Variants in GUCY1A2 observed in about 807,000 individuals in gnomAD.
GUCY1A2 encodes guanylate cyclase soluble subunit alpha-2.
A neutral mutation model predicts 63.5 loss-of-function variants in GUCY1A2; 27 were observed. That is an observed-to-expected ratio of 0.43 (90% CI 0.31 to 0.59). The LOEUF is 0.59. Among genes scored for constraint, GUCY1A2 ranks in the 20% least tolerant of loss-of-function variants. GUCY1A2 has a pLI of 0.11. For missense variants in GUCY1A2, 768 were observed against 913.3 expected, an observed-to-expected ratio of 0.84 and a Z score of 2.05; for synonymous variants, 364 against 343.5, an observed-to-expected ratio of 1.06 and a Z score of -0.66.
chr11:106,817,520 A>C (rs1166345241), intron 4 of GUCY1A2, among the ~76,000 whole-genome samples: 1 of 152,134 alleles, frequency 6.6e-6, no homozygotes, highest in Non-Finnish European at 1.5e-5. Context: ...TATCAAATTA[A>C]AAAGCTTCAG....
At chr11:106,796,509 G>A (rs1864763610) in intron 5 of GUCY1A2, among the ~76,000 whole-genome samples, 1 of 152,004 alleles carries the variant, frequency 6.6e-6, no homozygotes, top group South Asian at 2.1e-4. Context: ...GTCTGTAAAG[G>A]ATTTTATTTC....
intron 4 of GUCY1A2, among the ~76,000 whole-genome samples, chr11:106,851,086 T>C (rs532270454): frequency 3.9e-4 from 59 of 152,078 alleles, no homozygotes; most frequent in Non-Finnish European, 6.9e-4. Context: ...TCCCTAACAA[T>C]TAGTGATGTT....
At chr11:106,947,679 A>G (rs1371785308) in intron 3 of GUCY1A2, among the ~76,000 whole-genome samples, 1 of 152,026 alleles carries the variant, frequency 6.6e-6, no homozygotes, top group Non-Finnish European at 1.5e-5. Flanking sequence ...AAATAACCAA[A>G]AGGTGGCATA....
intron 4 of GUCY1A2, among the ~76,000 whole-genome samples, chr11:106,812,368 C>A (rs1858773239): frequency 6.6e-6 from 1 of 151,434 alleles, no homozygotes. Flanking sequence ...TTTCTTCTCC[C>A]TTGCTTCGTG....
intron 5 of GUCY1A2, among the ~76,000 whole-genome samples, chr11:106,777,100 C>T (rs565786227): frequency 2.0e-5 from 3 of 152,240 alleles, no homozygotes; most frequent in South Asian, 2.1e-4. Context: ...CATACCATTG[C>T]GTCAACCACT....
In GUCY1A2 at chr11:106,687,697, T is replaced by C. The variant is rs778372562; in HGVS notation, c.2051A>G (p.Asp684Gly). 6 of 1,613,548 alleles carry C rather than the reference T, an allele frequency of 3.7e-6. No individual in the cohort carries two copies. Reference protein sequence around the residue: ...FIPRSREELPDNFPKEIPGIC... With the variant: ...FIPRSREELPGNFPKEIPGIC... ...CCCAGGAATTTCCTTTGGAAAGTTG[T>C]CTGGAAGCTCTTCACGAGACCGCGG... Residue 684 changes from aspartate (D) to glycine (G), a missense_variant, in exon 8 of 8, where the codon GAC becomes GGC. Transcript: ENST00000526355.
chr11:106,689,801 G>A (rs1370446339), intron 7 of GUCY1A2, among the ~76,000 whole-genome samples: 1 of 152,016 alleles, frequency 6.6e-6, no homozygotes, highest in Non-Finnish European at 1.5e-5. Flanking sequence ...ATACCAGCCT[G>A]GCCAACATGG....
At position 107,018,015 on chromosome 11, in the gene GUCY1A2, AG is replaced by A; in HGVS notation, c.40del (p.Leu14TrpfsTer84). 1.4e-6 allele frequency: 2 copies of A among 1,475,462 alleles called. No homozygotes were observed. The highest frequency in any genetic ancestry group is 1.3e-5 in the South Asian group (1 of 78,078). The allele number at this position is 1,475,462 out of a possible 1,614,324, so 91.4% of individuals were successfully genotyped here. A position where few individuals can be genotyped will look rare whatever the true frequency, so the allele number is the denominator to read the frequency against. ...GCTGGTCTCCAGGTAGTCGGAGCCCAGGGAGCTGAAGGACTCGGACGAAATC... is the reference window on the plus strand; with the variant it reads ...GCTGGTCTCCAGGTAGTCGGAGCCCAGGAGCTGAAGGACTCGGACGAAATC... Reference protein sequence around the residue: ...RKISSESFSSLGSDYLETSPE... With the variant: ...RKISSESFSSXGSDYLETSPE... On this transcript the variant is annotated frameshift_variant, in exon 1 of 8. Coordinates refer to ENST00000526355, the MANE Select transcript of GUCY1A2 (RefSeq NM_000855.3). LOFTEE classifies it high-confidence loss of function.
At chr11:106,803,749 C>A (rs774117698) in intron 5 of GUCY1A2, among the ~76,000 whole-genome samples, 1 of 152,076 alleles carries the variant, frequency 6.6e-6, no homozygotes, top group Non-Finnish European at 1.5e-5. Flanking sequence ...GATTAAATAA[C>A]CCATGAAAGG....
chr11:106,795,096 A>G (rs1864730650), intron 5 of GUCY1A2, among the ~76,000 whole-genome samples: 1 of 152,220 alleles, frequency 6.6e-6, no homozygotes, highest in Non-Finnish European at 1.5e-5. Flanking sequence ...TGTGAGACCT[A>G]TAATACTGCT....
At chr11:107,000,201 C>T (rs1291676038) in intron 1 of GUCY1A2, among the ~76,000 whole-genome samples, 3 of 152,138 alleles carry the variant, frequency 2.0e-5, no homozygotes, top group Non-Finnish European at 4.4e-5. Context: ...TTTACAATGG[C>T]AATAAGTTAA....
At chr11:106,761,021 A>G (rs1360698145) in intron 6 of GUCY1A2, among the ~76,000 whole-genome samples, 1 of 152,164 alleles carries the variant, frequency 6.6e-6, no homozygotes, top group Non-Finnish European at 1.5e-5. Context: ...CACCTCTTTC[A>G]TATAATAACC....
Position 106,909,693 on chromosome 11 carries a change from C to A in GUCY1A2, c.1206+29767G>T, listed in dbSNP as rs75359515. On this transcript the variant is annotated intron_variant, in intron 4 of 7. Coordinates refer to ENST00000526355, the MANE Select transcript of GUCY1A2 (RefSeq NM_000855.3). Reference sequence around the variant, plus strand: ...GTTTTGCATGCATCAATAGCTCCATCCTCTTTATGGCTGAGTAGTATTCCA... The same window carrying A: ...GTTTTGCATGCATCAATAGCTCCATACTCTTTATGGCTGAGTAGTATTCCA... Among the ~76,000 whole-genome samples the A allele has an allele frequency of 8.9e-3, 1,355 of 152,066 alleles. 10 individuals carry two copies. Among genetic ancestry groups the A allele is most frequent in the South Asian group, 0.034 (166 of 4,828 alleles).
At chr11:106,887,383 T>A (rs1164169383) in intron 4 of GUCY1A2, among the ~76,000 whole-genome samples, 1 of 152,116 alleles carries the variant, frequency 6.6e-6, no homozygotes, top group African/African-American at 2.4e-5. Context: ...GTTGTCAGAG[T>A]TTCTTGACTT....
chr11:106,920,334 G>A (rs890937789), intron 4 of GUCY1A2, among the ~76,000 whole-genome samples: 5 of 151,926 alleles, frequency 3.3e-5, no homozygotes, highest in East Asian at 1.9e-4. Context: ...AGGTTATTAC[G>A]TTATTTATGC....
At chr11:106,964,131 G>A (rs996890248) in intron 3 of GUCY1A2, among the ~76,000 whole-genome samples, 2 of 151,826 alleles carry the variant, frequency 1.3e-5, no homozygotes, top group African/African-American at 4.8e-5. Context: ...ATACTTCCTT[G>A]TATAAAAATG....
chr11:106,898,925 A>G (rs1234781369), intron 4 of GUCY1A2, among the ~76,000 whole-genome samples: 6 of 152,194 alleles, frequency 3.9e-5, no homozygotes, highest in Non-Finnish European at 8.8e-5. Flanking sequence ...GAATGTTGAT[A>G]ATAGAAGGCT....
chr11:106,807,054 G>A (rs1372542494), intron 5 of GUCY1A2, among the ~76,000 whole-genome samples: 2 of 151,956 alleles, frequency 1.3e-5, no homozygotes, highest in Non-Finnish European at 2.9e-5. Flanking sequence ...TTTTCTCTTG[G>A]CATTTAGTTT....
intron 4 of GUCY1A2, chr11:106,823,887 T>C (rs1245574951): frequency 1.5e-5 from 5 of 331,160 alleles, no homozygotes; most frequent in Middle Eastern, 8.8e-4. Context: ...TGTTTGTTCA[T>C]GTCCTTTGCC....
Sources: gnomAD v4.1 joint callset for allele counts (sites outside exome capture counted in the v4.1 genomes callset) on GRCh38, gnomAD v4.1.1 for gene constraint, MANE v1.5 for transcripts, NCBI Gene and HGNC (gene_info 2026-07-23, HGNC 2026-07-21) for gene names.